Variants in FREM2 observed in about 807,000 individuals in gnomAD.
The protein encoded by FREM2 is FRAS1 related extracellular matrix 2.
In FREM2, 119 loss-of-function variants were observed where a neutral mutation model predicts 219.9. The observed-to-expected ratio is 0.54, with a 90% CI of 0.47 to 0.63. The LOEUF is 0.63. FREM2 is among the 30% of genes least tolerant of loss of function. The pLI is 0.00. For synonymous variants in FREM2, 1,562 were observed against 1,522.8 expected (o/e 1.03, Z -0.60); for missense variants, 4,030 against 3,993.6 (o/e 1.01, Z -0.25).
chr13:38,698,418 G>A (rs771738284), intron 2 of FREM2, among the ~76,000 whole-genome samples: 5 of 152,052 alleles, frequency 3.3e-5, no homozygotes, highest in African/African-American at 7.2e-5. Flanking sequence ...TCTTTTGGGC[G>A]ATATTATTCT....
intron 4 of FREM2, among the ~76,000 whole-genome samples, chr13:38,776,951 G>A (rs1028119300): frequency 3.1e-4 from 47 of 152,150 alleles, no homozygotes; most frequent in African/African-American, 1.1e-3. Flanking sequence ...CTGTCTCTCA[G>A]TGAACACCTT....
chr13:38,864,508 A>G lies in FREM2; in HGVS notation c.7885A>G (p.Asn2629Asp). 6.2e-7 allele frequency: 1 copy of G among 1,614,210 alleles called. No homozygotes were observed. Among genetic ancestry groups the G allele is most frequent in the Non-Finnish European group, 8.5e-7 (1 of 1,180,032 alleles). ...TTCCACTACCTTGCGCTTCTACCGG[A>G]ACCTGAACCTAGAGGCCTGTTTATG... is the stretch of plus-strand genomic sequence containing the variant. ...RGSTTLRFYR[N>D]LNLEACLWEF... The change falls in exon 16 of 24, where the codon AAC becomes GAC. Residue 2629 changes from asparagine to aspartate, a missense_variant. Coordinates refer to ENST00000280481, the MANE Select transcript of FREM2 (RefSeq NM_207361.6).
At chr13:38,779,948 T>C (rs1442620431) in intron 4 of FREM2, among the ~76,000 whole-genome samples, 1 of 152,176 alleles carries the variant, frequency 6.6e-6, no homozygotes, top group East Asian at 1.9e-4. Flanking sequence ...CTCAGCCTCA[T>C]TTGCTCGGTT....
intron 2 of FREM2, among the ~76,000 whole-genome samples, chr13:38,736,867 GT>G (rs5802956): frequency 0.75 from 112,296 of 150,348 alleles, 41,920 homozygotes; most frequent in Non-Finnish European, 0.76. Context: ...CAAACCGTTT[GT>G]TTTTTTTTTC....
intron 2 of FREM2, among the ~76,000 whole-genome samples, chr13:38,701,886 G>A (rs193044774): frequency 6.6e-6 from 1 of 152,122 alleles, no homozygotes; most frequent in East Asian, 1.9e-4. Flanking sequence ...CATTAGTAAG[G>A]AAGAAACTCC....
In FREM2 at chr13:38,880,813, TC is replaced by T; in HGVS notation, c.*28del. ...TGACTGCAGGTAGAATTCAACCTTT[TC>T]CGTAAGTGCCTCGGAAAAGATCACA... On this transcript the variant is annotated 3_prime_UTR_variant, in exon 24 of 24. Transcript: ENST00000280481. 6.2e-7 allele frequency: 1 copy of T among 1,613,540 alleles called. No homozygotes were observed.
intron 6 of FREM2, among the ~76,000 whole-genome samples, chr13:38,824,070 G>A (rs1314020804): frequency 6.6e-6 from 1 of 152,092 alleles, no homozygotes; most frequent in Non-Finnish European, 1.5e-5. Context: ...GATTATTCAA[G>A]TGAAAGGAAG....
At chr13:38,794,884 AC>A in intron 6 of FREM2, among the ~76,000 whole-genome samples, 1 of 152,172 alleles carries the variant, frequency 6.6e-6, no homozygotes, top group East Asian at 1.9e-4. Flanking sequence ...TATACTAAGG[AC>A]TTTACATGAA....
chr13:38,864,332 C>G lies in FREM2; in HGVS notation c.7709C>G (p.Pro2570Arg). 1 of 1,614,210 alleles carries G rather than the reference C, an allele frequency of 6.2e-7. No individual in the cohort carries two copies. Among genetic ancestry groups the G allele is most frequent in the South Asian group, 1.1e-5 (1 of 91,086 alleles). ...ELSNFELTLS[P>R]DGTRVGNHKC... ...TCCAACTTTGAGCTCACCCTCAGCC[C>G]TGATGGCACAAGAGTTGGAAACCAC... Residue 2570 changes from proline (P) to arginine (R), a missense_variant, in exon 16 of 24, where the codon CCT (proline) becomes CGT (arginine). Pro to Arg is a moderately radical substitution (Grantham distance 103). Coordinates refer to ENST00000280481, the MANE Select transcript of FREM2 (RefSeq NM_207361.6).
chr13:38,697,759 T>A lies in FREM2; in HGVS notation c.5235T>A (p.Asp1745Glu). 1 of 1,607,950 alleles carries A rather than the reference T, an allele frequency of 6.2e-7. No homozygotes were observed. Residue 1745 changes from aspartate to glutamate, a missense_variant, in exon 2 of 24, where the codon GAT (aspartate) becomes GAA (glutamate). By Grantham distance (45) the Asp-to-Glu change is conservative. Coordinates refer to ENST00000280481, the MANE Select transcript of FREM2 (RefSeq NM_207361.6). ...VLREGANATS[D>E]MFYFAVEDGG... is the part of the protein sequence containing the mutation. ...GAGAAGGGGCTAATGCCACAAGTGA[T>A]ATGTTCTATTTTGCAGTTGAAGATG...
At chr13:38,846,481 G>A in intron 6 of FREM2, 92 bp from the exon 7 acceptor site, 1 of 1,345,564 alleles carries the variant, frequency 7.4e-7, no homozygotes, top group Non-Finnish European at 1.1e-6. Flanking sequence ...AAGTCCCTAA[G>A]AGGAAGCACA....
chr13:38,720,404 C>T (rs1380111635), intron 2 of FREM2, among the ~76,000 whole-genome samples: 1 of 152,138 alleles, frequency 6.6e-6, no homozygotes, highest in African/African-American at 2.4e-5. Context: ...ATGCCAGCCA[C>T]GTTGCTTAAA....
chr13:38,835,290 C>A (rs560406049), intron 6 of FREM2, among the ~76,000 whole-genome samples: 1 of 152,176 alleles, frequency 6.6e-6, no homozygotes, highest in South Asian at 2.1e-4. Context: ...GGCCTCTGTT[C>A]TGTTCCACTG....
chr13:38,855,710 G>T (rs1246757989), intron 11 of FREM2, among the ~76,000 whole-genome samples: 1 of 151,990 alleles, frequency 6.6e-6, no homozygotes, highest in East Asian at 1.9e-4. Context: ...ATGATACAAT[G>T]AACTTTTGGG....
At chr13:38,879,858 T>C (rs927303778) in intron 23 of FREM2, among the ~76,000 whole-genome samples, 5 of 152,184 alleles carry the variant, frequency 3.3e-5, no homozygotes, top group Admixed American at 6.5e-5. Context: ...TGGTCTTATA[T>C]GCAATAAGCA....
chr13:38,881,735 A>C lies in FREM2; in HGVS notation c.*948A>C, dbSNP rs1470609409. The C allele has an allele frequency of 6.6e-6, 1 of 152,618 alleles. No homozygotes were observed. The highest frequency in any genetic ancestry group is 1.5e-5 in the Non-Finnish European group (1 of 68,038). 9.5% of individuals were successfully genotyped at this position (152,618 alleles called of 1,614,324 possible). A position where few individuals can be genotyped will look rare whatever the true frequency, so the allele number is the denominator to read the frequency against. On this transcript the variant is annotated 3_prime_UTR_variant, in exon 24 of 24. Transcript: ENST00000280481. ...ATTGTTACAGATGGTGAAGGGAGAA[A>C]GTGGTATTTATTAATATAATGTGTA...
chr13:38,804,156 A>G (rs1875129054), intron 6 of FREM2, among the ~76,000 whole-genome samples: 1 of 152,038 alleles, frequency 6.6e-6, no homozygotes, highest in Non-Finnish European at 1.5e-5. Flanking sequence ...TAGAAAAATG[A>G]GTTTCTAATT....
At chr13:38,776,225 C>A (rs147897865) in intron 4 of FREM2, among the ~76,000 whole-genome samples, 1 of 152,162 alleles carries the variant, frequency 6.6e-6, no homozygotes, top group Non-Finnish European at 1.5e-5. Flanking sequence ...CCTGAAAATG[C>A]ACTGGAATCT....
chr13:38,694,596 A>C (rs1870028388), intron 1 of FREM2, among the ~76,000 whole-genome samples: 1 of 152,144 alleles, frequency 6.6e-6, no homozygotes, highest in African/African-American at 2.4e-5. Flanking sequence ...GTAAACCTAT[A>C]TTTTGATGGA....
Sources: allele counts gnomAD v4.1 joint callset (sites outside exome capture counted in the v4.1 genomes callset), GRCh38; gene constraint gnomAD v4.1.1; transcripts MANE v1.5; gene names NCBI Gene and HGNC (gene_info 2026-07-23, HGNC 2026-07-21).